The following TBC1D5 variants were observed in gnomAD, a reference collection of about 807,000 sequenced individuals.
TBC1D5 encodes the protein TBC1 domain family, member 5.
Under a neutral mutation model 100.3 loss-of-function variants are expected in TBC1D5, and 75 were observed. The observed-to-expected ratio is 0.75, with a 90% confidence interval of 0.62 to 0.91. The LOEUF is 0.91. TBC1D5 is among the 40% of genes least tolerant of loss of function. The probability of loss-of-function intolerance (pLI) is 0.00; values close to 1 mark genes in which losing one functional copy is unlikely to be tolerated. For synonymous variants in TBC1D5, 323 were observed against 325.6 expected, an observed-to-expected ratio of 0.99 and a Z score of 0.09; for missense variants, 910 against 942.4, an observed-to-expected ratio of 0.97 and a Z score of 0.45.
At chr3:17,383,140 T>TATTTCA (rs1553718379) in intron 9 of TBC1D5, among the ~76,000 whole-genome samples, 2 of 151,986 alleles carry the variant, frequency 1.3e-5, no homozygotes, top group Non-Finnish European at 1.5e-5. Flanking sequence ...TATTTCAAAT[T>TATTTCA]AAATACACTG....
intron 1 of TBC1D5, among the ~76,000 whole-genome samples, chr3:17,676,402 T>C (rs932353377): frequency 4.6e-5 from 7 of 152,208 alleles, no homozygotes; most frequent in African/African-American, 1.4e-4. Context: ...CCATTCACAA[T>C]TGCTACCAAG....
At position 17,338,444 on chromosome 3, in the gene TBC1D5, C is replaced by T. The variant is rs540589653; in HGVS notation, c.996-30310G>A. ...CCTTCATCTGTTTGCCTGAGTACTC[C>T]GTACCTCCAAGGTGCTGGCTATCAT... On this transcript the variant is annotated intron_variant, in intron 13 of 21. Coordinates refer to ENST00000253692, the Ensembl canonical transcript of TBC1D5. The T allele has an allele frequency of 4.6e-5, 7 of 152,308 alleles. No homozygotes were observed. The East Asian group carries it at 5.8e-4, about 13-fold the overall frequency. The allele number at this position is 152,308 out of a possible 1,614,324, so 9.4% of individuals were successfully genotyped here.
intron 14 of TBC1D5, among the ~76,000 whole-genome samples, chr3:17,300,195 A>G (rs1157922052): frequency 2.6e-5 from 4 of 152,186 alleles, no homozygotes; most frequent in Non-Finnish European, 5.9e-5. Context: ...TATAATCATA[A>G]AAACAACTGA....
intron 2 of TBC1D5, among the ~76,000 whole-genome samples, chr3:17,622,041 C>G (rs1045759673): frequency 4.6e-5 from 7 of 152,058 alleles, no homozygotes; most frequent in Non-Finnish European, 7.3e-5. Context: ...AAGCAGTCAC[C>G]AACCTTTTTG....
At chr3:17,643,782 A>G (rs2064760097) in intron 1 of TBC1D5, among the ~76,000 whole-genome samples, 1 of 152,142 alleles carries the variant, frequency 6.6e-6, no homozygotes, top group African/African-American at 2.4e-5. Context: ...GACATCTGTC[A>G]GCAGCTGTAC....
At chr3:17,377,936 A>G (rs1360871248) in intron 9 of TBC1D5, among the ~76,000 whole-genome samples, 1 of 151,908 alleles carries the variant, frequency 6.6e-6, no homozygotes, top group Non-Finnish European at 1.5e-5. Context: ...AAAATCTTTC[A>G]GATAACATGT....
At chr3:17,516,184 G>A (rs942763487) in intron 2 of TBC1D5, among the ~76,000 whole-genome samples, 3 of 152,020 alleles carry the variant, frequency 2.0e-5, no homozygotes, top group Non-Finnish European at 4.4e-5. Flanking sequence ...TTTTCCTTTA[G>A]GGACCAGCAC....
intron 1 of TBC1D5, among the ~76,000 whole-genome samples, chr3:17,677,708 G>A (rs1310477592): frequency 2.0e-5 from 3 of 152,182 alleles, no homozygotes; most frequent in African/African-American, 7.2e-5. Context: ...TATGTTTATT[G>A]CGGCACTATT....
rs141206932 is a variant in TBC1D5 at position 17,262,365 on chromosome 3, T to A, written c.1246-3774A>T. Among the ~76,000 whole-genome samples the A allele has an allele frequency of 4.6e-5, 7 of 152,266 alleles. No homozygotes were observed. The East Asian group carries it at 1.4e-3, about 29-fold the overall frequency. On this transcript the variant is annotated intron_variant, in intron 15 of 21. Transcript: ENST00000253692. ...GTATTATAATCTTATGGGACCACTA[T>A]CATATGTGTGGTCTGTTGTTGACCC... is the stretch of plus-strand genomic sequence containing the variant.
intron 2 of TBC1D5, among the ~76,000 whole-genome samples, chr3:17,570,665 T>A (rs2096621526): frequency 1.3e-5 from 2 of 151,998 alleles, no homozygotes; most frequent in Admixed American, 1.3e-4. Flanking sequence ...CTTTTCAGTA[T>A]TTTATTATAT....
intron 18 of TBC1D5, among the ~76,000 whole-genome samples, chr3:17,186,035 T>G (rs1486609932): frequency 7.3e-6 from 1 of 136,576 alleles, no homozygotes; most frequent in Non-Finnish European, 1.6e-5. Flanking sequence ...ATTATCGGAG[T>G]TTTTTTTTTT....
intron 2 of TBC1D5, among the ~76,000 whole-genome samples, chr3:17,560,585 C>A (rs1419456448): frequency 7.2e-6 from 1 of 138,920 alleles, no homozygotes; most frequent in Non-Finnish European, 1.5e-5. Context: ...TGCCACTGCA[C>A]TCTGACCTGG....
intron 1 of TBC1D5, among the ~76,000 whole-genome samples, chr3:17,735,582 C>T (rs767193030): frequency 6.6e-5 from 10 of 152,098 alleles, no homozygotes; most frequent in Middle Eastern, 3.2e-3. Context: ...TTGGGCCTTA[C>T]GGTGAGTGTT....
intron 7 of TBC1D5, 57 bp from the exon 8 acceptor site, chr3:17,403,305 G>T: frequency 8.2e-7 from 1 of 1,214,544 alleles, no homozygotes; most frequent in Non-Finnish European, 1.1e-6. Context: ...TACTTTTAGT[G>T]ATTTCAATTT....
chr3:17,258,619 T>A (rs778589847), intron 15 of TBC1D5, 28 bp from the exon 16 acceptor site: 1 of 1,579,174 alleles, frequency 6.3e-7, no homozygotes, highest in South Asian at 1.1e-5. Flanking sequence ...TTTAAAAAGC[T>A]AGTTAAATGA....
At chr3:17,482,657 A>G (rs548859504) in intron 3 of TBC1D5, among the ~76,000 whole-genome samples, 2 of 152,372 alleles carry the variant, frequency 1.3e-5, no homozygotes, top group South Asian at 2.1e-4. Context: ...CAAACAAAAT[A>G]AAAGAAGGCT....
chr3:17,292,113 A>T, intron 14 of TBC1D5, 112 bp from the exon 15 acceptor site: 1 of 874,694 alleles, frequency 1.1e-6, no homozygotes, highest in Non-Finnish European at 1.7e-6. Flanking sequence ...CAATAACTCA[A>T]CTGATTTGAT....
intron 1 of TBC1D5, among the ~76,000 whole-genome samples, chr3:17,640,737 A>C (rs1307452796): frequency 1.3e-5 from 2 of 152,094 alleles, no homozygotes; most frequent in Non-Finnish European, 2.9e-5. Context: ...TTTAAAGCAA[A>C]AATGCAATGC....
intron 4 of TBC1D5, 187 bp from the exon 5 acceptor site, chr3:17,406,713 G>A (rs2093780193): frequency 1.8e-6 from 1 of 553,246 alleles, no homozygotes; most frequent in African/African-American, 1.9e-5. Flanking sequence ...TAGATTTAAT[G>A]AATATGTAGA....
Sources: allele counts gnomAD v4.1 joint callset (sites outside exome capture counted in the v4.1 genomes callset), GRCh38; gene constraint gnomAD v4.1.1; transcripts MANE v1.5; gene names NCBI Gene and HGNC (gene_info 2026-07-23, HGNC 2026-07-21).